RTF1: variants seen among roughly 807,000 people sequenced by gnomAD.
RTF1 encodes the protein RTF1 homolog, Paf1/RNA polymerase II complex component.
In RTF1, 10 loss-of-function variants were observed where a neutral mutation model predicts 95.7. That is an observed-to-expected ratio of 0.10 (90% CI 0.06 to 0.18). The LOEUF (loss-of-function observed/expected upper bound fraction) is 0.18. Among genes scored for constraint, RTF1 ranks in the 10% least tolerant of loss-of-function variants. RTF1 has a pLI of 1.00. For missense variants in RTF1, 458 were observed against 875.6 expected (o/e 0.52, Z 6.02); for synonymous variants, 305 against 311.8 (o/e 0.98, Z 0.23).
intron 3 of RTF1, among the ~76,000 whole-genome samples, chr15:41,454,078 G>A (rs316616): frequency 0.22 from 33,549 of 151,880 alleles, 4,012 homozygotes; most frequent in Non-Finnish European, 0.26. Flanking sequence ...TCATTAAAAT[G>A]TGTTTTTTTA....
intron 12 of RTF1, among the ~76,000 whole-genome samples, chr15:41,476,867 T>C (rs949004952): frequency 2.6e-5 from 4 of 152,166 alleles, no homozygotes; most frequent in Non-Finnish European, 5.9e-5. Flanking sequence ...TTCTTCACAC[T>C]GGGTTGGGGT....
At chr15:41,469,055 ACCTCCCGGGTT>A (rs1331750118) in intron 6 of RTF1, among the ~76,000 whole-genome samples, 1 of 150,244 alleles carries the variant, frequency 6.7e-6, no homozygotes, top group Non-Finnish European at 1.5e-5. Flanking sequence ...TGCAACCTTC[ACCTCCCGGGTT>A]CAAGCGATTC....
intron 6 of RTF1, 123 bp from the exon 7 acceptor site, chr15:41,470,134 C>A: frequency 9.8e-7 from 1 of 1,015,272 alleles, no homozygotes; most frequent in Non-Finnish European, 1.5e-6. Flanking sequence ...CAAGTTAGCA[C>A]AATCCAGTCT....
At chr15:41,428,565 G>A (rs2050650851) in intron 1 of RTF1, among the ~76,000 whole-genome samples, 1 of 150,402 alleles carries the variant, frequency 6.6e-6, no homozygotes. Context: ...ACCGTGTCCG[G>A]CCCCCTACTC....
rs938038869 is a variant in RTF1, at chr15:41,439,150, G to A, written c.309+719G>A. Among the ~76,000 whole-genome samples the A allele has an allele frequency of 8.0e-5, 12 of 150,822 alleles. No individual in the cohort carries two copies. In the East Asian group the frequency reaches 2.4e-3, roughly 30 times the overall value. On this transcript the variant is annotated intron_variant, in intron 2 of 17. Coordinates refer to ENST00000389629, the MANE Select transcript of RTF1 (RefSeq NM_015138.5). The stretch of plus-strand genomic sequence containing the variant: ...AGGTTCACGCCATTCTCCTGCCTCA[G>A]CCTACTGACTAGCTGGGACTACAGG...
intron 12 of RTF1, among the ~76,000 whole-genome samples, chr15:41,476,771 T>TAA (rs1172723962): frequency 6.6e-6 from 1 of 152,234 alleles, no homozygotes; most frequent in Non-Finnish European, 1.5e-5. Context: ...TCCTTTGTAA[T>TAA]AAAATAGACC....
chr15:41,470,114 G>A (rs2050902470), intron 6 of RTF1, 143 bp from the exon 7 acceptor site: 1 of 810,596 alleles, frequency 1.2e-6, no homozygotes, highest in Non-Finnish European at 2.0e-6. Flanking sequence ...ACTCATTTCT[G>A]TATATACCCC....
At chr15:41,423,047 C>G (rs994444976) in intron 1 of RTF1, among the ~76,000 whole-genome samples, 224 of 152,164 alleles carry the variant, frequency 1.5e-3, no homozygotes, top group African/African-American at 5.2e-3. Context: ...GTTGGGATTA[C>G]AGGCGTGAAC....
chr15:41,479,574 T>C (rs2140658975), intron 16 of RTF1, among the ~76,000 whole-genome samples: 1 of 152,230 alleles, frequency 6.6e-6, no homozygotes, highest in South Asian at 2.1e-4. Flanking sequence ...TAAAAGCAGT[T>C]TTCTTGCTGG....
intron 4 of RTF1, among the ~76,000 whole-genome samples, chr15:41,462,671 T>C (rs1007541040): frequency 2.0e-5 from 3 of 152,168 alleles, no homozygotes; most frequent in Non-Finnish European, 4.4e-5. Flanking sequence ...GTCACTCCTG[T>C]ATTTCCCCAT....
chr15:41,459,737 G>T (rs925711934), intron 4 of RTF1, among the ~76,000 whole-genome samples: 3 of 152,056 alleles, frequency 2.0e-5, no homozygotes, highest in African/African-American at 7.2e-5. Context: ...CATGGTTTTT[G>T]TATTTTTTTA....
rs1321915534 is a variant in RTF1, at chr15:41,429,436, C to CT, written c.199-8872dup. ...CTGTTCATCTACCAGTTGTAGTGCTCTTTTTTTTTTTTTCTCTCTCTCTCT... is the reference window on the plus strand; with the variant it reads ...CTGTTCATCTACCAGTTGTAGTGCTCTTTTTTTTTTTTTTCTCTCTCTCTCT... On this transcript the variant is annotated intron_variant, in intron 1 of 17. Coordinates refer to ENST00000389629, the MANE Select transcript of RTF1 (RefSeq NM_015138.5). 3.2e-3 allele frequency among the ~76,000 whole-genome samples: 473 copies of CT among 145,724 alleles called. 1 individual carries two copies. Among genetic ancestry groups the CT allele is most frequent in the South Asian group, 0.013 (58 of 4,628 alleles).
rs969662195 is a variant in RTF1, at chr15:41,475,890, T to C, written c.1482+71T>C. On this transcript the variant is annotated intron_variant, in intron 11 of 17. Coordinates refer to ENST00000389629, the MANE Select transcript of RTF1 (RefSeq NM_015138.5). ...GTGTTGAGAGAACATGATTCTCTTT[T>C]ATTTCCCTATATCTTGACATTTTTA... 11 of 730,818 alleles carry C rather than the reference T, an allele frequency of 1.5e-5. No homozygotes were observed. The African/African-American group carries it at 2.0e-4, about 13-fold the overall frequency. 45.3% of individuals were successfully genotyped at this position (730,818 alleles called of 1,614,324 possible).
chr15:41,442,955 G>T (rs927590604), intron 2 of RTF1, among the ~76,000 whole-genome samples: 5 of 152,110 alleles, frequency 3.3e-5, no homozygotes, highest in African/African-American at 1.2e-4. Context: ...ACCAGAAGCT[G>T]CCCTGCAGTT....
At chr15:41,445,502 T>C (rs1347940843) in intron 2 of RTF1, among the ~76,000 whole-genome samples, 1 of 152,230 alleles carries the variant, frequency 6.6e-6, no homozygotes, top group African/African-American at 2.4e-5. Context: ...CTGCAAGTTT[T>C]TGTGATTGAG....
chr15:41,471,186 C>T lies in RTF1; in HGVS notation c.1040C>T (p.Pro347Leu). 1.2e-6 allele frequency: 2 copies of T among 1,609,186 alleles called. No individual in the cohort carries two copies. Among genetic ancestry groups the T allele is most frequent in the Non-Finnish European group, 1.7e-6 (2 of 1,178,156 alleles). The change falls in exon 8 of 18, where the codon CCT becomes CTT. Residue 347 changes from proline to leucine, a missense_variant. Around this residue, in one of 11 missense-constraint regions of RTF1, gnomAD observed 150 missense variants for 275.7 expected, o/e 0.54. Transcript: ENST00000389629. ...SDEEEEKEEI[P>L]PKSQPVSLPE... ...GTTCCTCTTAGGAAAGAAGAGATCC[C>T]TCCCAAATCCCAACCAGTTTCCTTA...
intron 1 of RTF1, among the ~76,000 whole-genome samples, chr15:41,421,549 T>G (rs185641823): frequency 7.6e-4 from 115 of 151,700 alleles, no homozygotes; most frequent in Middle Eastern, 3.4e-3. Context: ...GAGGATTGCT[T>G]GAGCCTGGGA....
At position 41,427,125 on chromosome 15, in the gene RTF1, C is replaced by T. The variant is rs1358224163; in HGVS notation, c.198+9812C>T. Reference sequence around the variant, plus strand: ...AAAGTGCTGGGACTACAGGCATGAGCCACCATGCCTGGTCTACAAATTTTT... The same window carrying T: ...AAAGTGCTGGGACTACAGGCATGAGTCACCATGCCTGGTCTACAAATTTTT... On this transcript the variant is annotated intron_variant, in intron 1 of 17. Transcript: ENST00000389629. Among the ~76,000 whole-genome samples, 4 of 144,478 alleles carry T rather than the reference C, an allele frequency of 2.8e-5. No homozygotes were observed. The Admixed American group carries it at 2.9e-4, about 10-fold the overall frequency. The allele number at this position is 144,478 out of a possible 152,430, so 94.8% of individuals were successfully genotyped here.
At chr15:41,470,690 G>A (rs1382256812) in intron 7 of RTF1, among the ~76,000 whole-genome samples, 3 of 117,012 alleles carry the variant, frequency 2.6e-5, no homozygotes, top group Non-Finnish European at 4.8e-5. Context: ...ACGGAGTCTC[G>A]CTCTGTCGCC....
Sources: allele counts gnomAD v4.1 joint callset (sites outside exome capture counted in the v4.1 genomes callset), GRCh38; gene constraint gnomAD v4.1.1; regional missense constraint gnomAD v4.1.1; transcripts MANE v1.5; gene names NCBI Gene and HGNC (gene_info 2026-07-23, HGNC 2026-07-21).